Variants in NAALADL2 observed in about 807,000 individuals in gnomAD.
NAALADL2 encodes N-acetylated alpha-linked acidic dipeptidase like 2, also known as inactive N-acetylated-alpha-linked acidic dipeptidase-like protein 2.
In NAALADL2, 76 loss-of-function variants were observed where a neutral mutation model predicts 87.2. The observed-to-expected ratio is 0.87, with a 90% CI of 0.72 to 1.05. The LOEUF (loss-of-function observed/expected upper bound fraction) is 1.05. Ranked by LOEUF, NAALADL2 falls within the 50% of genes least tolerant of loss-of-function variation. NAALADL2 has a pLI of 0.00. For missense variants in NAALADL2, 1,089 were observed against 945.8 expected (o/e 1.15, Z -1.99); for synonymous variants, 354 against 331.0 (o/e 1.07, Z -0.75).
At chr3:175,001,411 A>G (rs1271229562) in intron 1 of NAALADL2, among the ~76,000 whole-genome samples, 1 of 152,190 alleles carries the variant, frequency 6.6e-6, no homozygotes, top group Non-Finnish European at 1.5e-5. Flanking sequence ...GGTGATTCAC[A>G]CATTCAGATT....
intron 4 of NAALADL2, among the ~76,000 whole-genome samples, chr3:175,260,385 T>C (rs1052317474): frequency 2.6e-5 from 4 of 152,190 alleles, no homozygotes; most frequent in Non-Finnish European, 4.4e-5. Flanking sequence ...ATTCTAGTCA[T>C]CTCTTCTGTT....
At chr3:175,123,556 C>T (rs577570739) in intron 2 of NAALADL2, among the ~76,000 whole-genome samples, 3 of 151,964 alleles carry the variant, frequency 2.0e-5, no homozygotes, top group South Asian at 2.1e-4. Flanking sequence ...TCCTCTATTT[C>T]GGACTTTCTC....
At chr3:174,964,827 C>T (rs1330120861) in intron 1 of NAALADL2, among the ~76,000 whole-genome samples, 1 of 151,010 alleles carries the variant, frequency 6.6e-6, no homozygotes, top group African/African-American at 2.4e-5. Context: ...AGGTATTAAA[C>T]AATTTATATA....
chr3:175,303,533 C>G (rs1036306931), intron 4 of NAALADL2, among the ~76,000 whole-genome samples: 1 of 152,148 alleles, frequency 6.6e-6, no homozygotes, highest in African/African-American at 2.4e-5. Context: ...TGTATAGCTA[C>G]ATCTGACATG....
chr3:175,632,735 T>A (rs4561847), intron 11 of NAALADL2, among the ~76,000 whole-genome samples: 4 of 151,794 alleles, frequency 2.6e-5, no homozygotes, highest in Non-Finnish European at 4.4e-5. Flanking sequence ...GACTTTGACA[T>A]TGGATATATG....
intron 1 of NAALADL2, among the ~76,000 whole-genome samples, chr3:174,441,972 T>A (rs564854813): frequency 2.0e-5 from 3 of 151,098 alleles, no homozygotes; most frequent in Admixed American, 1.3e-4. Flanking sequence ...AAAGATAGAC[T>A]TTTTTTTTAA....
intron 2 of NAALADL2, among the ~76,000 whole-genome samples, chr3:175,200,075 C>T (rs1345951810): frequency 6.6e-6 from 1 of 151,012 alleles, no homozygotes; most frequent in East Asian, 2.0e-4. Flanking sequence ...CTCTTGATAC[C>T]CTGCCCAACT....
At chr3:175,182,391 G>A (rs779999201) in intron 2 of NAALADL2, among the ~76,000 whole-genome samples, 15 of 150,914 alleles carry the variant, frequency 9.9e-5, no homozygotes, top group Non-Finnish European at 2.1e-4. Flanking sequence ...ACTGTTTTTT[G>A]TTTATTTGTT....
chr3:175,259,362 G>A (rs1247606331), intron 4 of NAALADL2, among the ~76,000 whole-genome samples: 1 of 152,126 alleles, frequency 6.6e-6, no homozygotes, highest in African/African-American at 2.4e-5. Flanking sequence ...ATGAGACTAG[G>A]AAACCTAATT....
At chr3:175,219,502 T>A (rs1409991441) in intron 2 of NAALADL2, among the ~76,000 whole-genome samples, 2 of 152,148 alleles carry the variant, frequency 1.3e-5, no homozygotes, top group Non-Finnish European at 2.9e-5. Context: ...TTTTATGGCA[T>A]CTTTAATGAT....
intron 1 of NAALADL2, among the ~76,000 whole-genome samples, chr3:174,543,935 G>A (rs1722491501): frequency 6.6e-6 from 1 of 151,974 alleles, no homozygotes; most frequent in Non-Finnish European, 1.5e-5. Context: ...TAGAGCCCAG[G>A]GGGCAGAGGT....
intron 5 of NAALADL2, among the ~76,000 whole-genome samples, chr3:175,364,903 G>A (rs1765392444): frequency 6.8e-6 from 1 of 147,462 alleles, no homozygotes; most frequent in Non-Finnish European, 1.5e-5. Context: ...GACATTTTTT[G>A]ACAAATATGT....
At chr3:175,791,911 CA>C (rs201243200) in intron 13 of NAALADL2, among the ~76,000 whole-genome samples, 102 of 127,928 alleles carry the variant, frequency 8.0e-4, no homozygotes, top group Middle Eastern at 4.0e-3. Context: ...GTTCCCAAAG[CA>C]AAAAAAAAAA....
intron 3 of NAALADL2, among the ~76,000 whole-genome samples, chr3:174,739,580 T>C (rs1324533487): frequency 6.6e-6 from 1 of 152,112 alleles, no homozygotes; most frequent in African/African-American, 2.4e-5. Flanking sequence ...CTGAGTATAT[T>C]ATACAAAGCA....
At chr3:174,886,330 T>C (rs1485332437) in intron 1 of NAALADL2, among the ~76,000 whole-genome samples, 1 of 152,150 alleles carries the variant, frequency 6.6e-6, no homozygotes, top group African/African-American at 2.4e-5. Context: ...ATATTTTTTC[T>C]GCCTGCTTAT....
intron 9 of NAALADL2, among the ~76,000 whole-genome samples, chr3:175,507,083 C>T (rs1730435766): frequency 6.7e-6 from 1 of 150,038 alleles, no homozygotes; most frequent in South Asian, 2.2e-4. Context: ...TATAAATGGA[C>T]AATATTTTTT....
chr3:175,410,166 C>G (rs1041407011), intron 5 of NAALADL2, among the ~76,000 whole-genome samples: 25 of 152,024 alleles, frequency 1.6e-4, no homozygotes, highest in Admixed American at 1.2e-3. Flanking sequence ...ACCAAAAGCA[C>G]TAAATGTGGA....
rs552257785 is a variant in NAALADL2, at chr3:175,697,888, T to C, written c.1897-39418T>C. Among the ~76,000 whole-genome samples, 96 of 81,396 alleles carry C rather than the reference T, an allele frequency of 1.2e-3. 5 individuals carry two copies. Among genetic ancestry groups the C allele is most frequent in the African/African-American group, 5.9e-3 (94 of 15,948 alleles). 53.4% of individuals were successfully genotyped at this position (81,396 alleles called of 152,430 possible). On this transcript the variant is annotated intron_variant, in intron 11 of 13. Transcript: ENST00000454872. ...ATGTATGTATACATATATATGTGTA[T>C]ATATGTATGTATACATATATATGTG...
intron 3 of NAALADL2, among the ~76,000 whole-genome samples, chr3:174,756,374 A>G (rs1578802709): frequency 1.3e-5 from 2 of 152,232 alleles, no homozygotes; most frequent in South Asian, 2.1e-4. Flanking sequence ...GACTTCTCCT[A>G]TATATTCTAG....
Sources: gnomAD v4.1 joint callset for allele counts (sites outside exome capture counted in the v4.1 genomes callset) on GRCh38, gnomAD v4.1.1 for gene constraint, MANE v1.5 for transcripts, NCBI Gene and HGNC (gene_info 2026-07-23, HGNC 2026-07-21) for gene names.